Variants in LMBRD1 observed in about 807,000 individuals in gnomAD.
The protein encoded by LMBRD1 is lysosomal cobalamin transport escort protein LMBD1.
A neutral mutation model predicts 74.8 loss-of-function variants in LMBRD1; 64 were observed. The observed-to-expected ratio is 0.86, with a 90% CI of 0.70 to 1.05. The LOEUF is 1.05. Among genes scored for constraint, LMBRD1 ranks in the 50% least tolerant of loss-of-function variants. The pLI is 0.00. For synonymous variants in LMBRD1, 204 were observed against 216.3 expected (o/e 0.94, Z 0.50); for missense variants, 652 against 645.9 (o/e 1.01, Z -0.10).
intron 9 of LMBRD1, among the ~76,000 whole-genome samples, chr6:69,708,699 C>T (rs554467828): frequency 4.0e-4 from 61 of 151,246 alleles, no homozygotes; most frequent in African/African-American, 1.3e-3. Flanking sequence ...ACTTTTTTTA[C>T]ATTTGCAAAA....
At position 69,752,334 on chromosome 6, in the gene LMBRD1, GAAC is replaced by G. The variant is rs1562112715; in HGVS notation, c.327_329del (p.Leu109del). 1.2e-6 allele frequency: 2 copies of G among 1,609,482 alleles called. No individual in the cohort carries two copies. The highest frequency in any genetic ancestry group is 8.5e-7 in the Non-Finnish European group (1 of 1,176,478). On this transcript the variant is annotated inframe_deletion, in exon 4 of 16. Coordinates refer to ENST00000649934, the MANE Select transcript of LMBRD1 (RefSeq NM_018368.4). ...CAAAAGGGATCCAGAAGAACACACA[GAAC>G]AATATAACAGAATATAAAGCTGTGG...
At chr6:69,780,032 G>A (rs1032992478) in intron 3 of LMBRD1, among the ~76,000 whole-genome samples, 29 of 151,664 alleles carry the variant, frequency 1.9e-4, no homozygotes, top group Non-Finnish European at 2.9e-4. Flanking sequence ...TGTTCCTGGC[G>A]ACATGGCCGT....
chr6:69,684,536 C>G (rs1765723658), intron 14 of LMBRD1, among the ~76,000 whole-genome samples: 1 of 151,802 alleles, frequency 6.6e-6, no homozygotes, highest in East Asian at 1.9e-4. Flanking sequence ...CTAAGCACAG[C>G]CAAACTATCC....
intron 9 of LMBRD1, chr6:69,706,262 T>G (rs77836621): frequency 3.8e-6 from 1 of 261,284 alleles, no homozygotes; most frequent in African/African-American, 2.2e-5. Flanking sequence ...CAGGGACTGA[T>G]CTCTATTTTA....
chr6:69,760,089 A>G (rs1765344345), intron 3 of LMBRD1, among the ~76,000 whole-genome samples: 1 of 152,178 alleles, frequency 6.6e-6, no homozygotes, highest in South Asian at 2.1e-4. Context: ...ATAGCTTGTC[A>G]TTATCTACCA....
In LMBRD1 at chr6:69,796,849, C is replaced by T; in HGVS notation, c.33G>A (p.Leu11=). 1 of 1,614,112 alleles carries T rather than the reference C, an allele frequency of 6.2e-7. No individual in the cohort carries two copies. The highest frequency in any genetic ancestry group is 8.5e-7 in the Non-Finnish European group (1 of 1,180,026). MATSGAASAE[L]VIGWCIFGLL... ...GGCCGAATATGCACCAGCCGATCAC[C>T]AGCTCCGCCGAGGCCGCGCCAGAAG... Residue 11 remains leucine (L), a synonymous_variant, in exon 1 of 16, where the codon CTG becomes CTA. Transcript: ENST00000649934.
At chr6:69,755,572 C>A (rs982742630) in intron 3 of LMBRD1, among the ~76,000 whole-genome samples, 4 of 137,064 alleles carry the variant, frequency 2.9e-5, no homozygotes, top group Non-Finnish European at 1.5e-5. Context: ...ACATTCTGCA[C>A]ATGTATCCCA....
At chr6:69,791,976 C>G (rs1388816334) in intron 1 of LMBRD1, among the ~76,000 whole-genome samples, 1 of 152,236 alleles carries the variant, frequency 6.6e-6, no homozygotes, top group Non-Finnish European at 1.5e-5. Context: ...TCATTATATG[C>G]TCATTAACAT....
chr6:69,704,201 A>G (rs553295455), intron 9 of LMBRD1, among the ~76,000 whole-genome samples: 67 of 152,166 alleles, frequency 4.4e-4, no homozygotes, highest in African/African-American at 1.6e-3. Flanking sequence ...TTGTGGTGAG[A>G]TACTTTCAGA....
chr6:69,732,284 C>T (rs1766875374), intron 7 of LMBRD1, among the ~76,000 whole-genome samples: 1 of 152,092 alleles, frequency 6.6e-6, no homozygotes, highest in African/African-American at 2.4e-5. Flanking sequence ...GAGGGTGAAT[C>T]CCTTATAAAT....
At chr6:69,724,348 TAA>T (rs60541159) in intron 7 of LMBRD1, among the ~76,000 whole-genome samples, 17,034 of 122,052 alleles carry the variant, frequency 0.14, 1,890 homozygotes, top group African/African-American at 0.32. Flanking sequence ...AAGACACATT[TAA>T]AAAAAAAAAA....
Position 69,796,839 on chromosome 6 carries a change from A to C in LMBRD1, c.43T>G (p.Trp15Gly). 6.2e-7 allele frequency: 1 copy of C among 1,613,418 alleles called. No individual in the cohort carries two copies. The highest frequency in any genetic ancestry group is 8.5e-7 in the Non-Finnish European group (1 of 1,179,810). The change falls in exon 1 of 16, where the codon TGG becomes GGG. Residue 15 changes from tryptophan to glycine, a missense_variant. Transcript: ENST00000649934. ...GAASAELVIG[W>G]CIFGLLLLAI... ...AGTAGTAAGAGGCCGAATATGCACC[A>C]GCCGATCACCAGCTCCGCCGAGGCC...
In LMBRD1 at chr6:69,701,898, A is replaced by T. The variant is rs1562090404; in HGVS notation, c.971T>A (p.Phe324Tyr). Residue 324 changes from phenylalanine (F) to tyrosine (Y), a missense_variant, in exon 10 of 16, where the codon TTC (phenylalanine) becomes TAC (tyrosine). By Grantham distance (22) the Phe-to-Tyr change is conservative. Transcript: ENST00000649934. ...TGTCTACTGTACTTACTTTGACAAG[A>T]AGAGAGAAATTACAAACAGCAATGC... ...LVALLFVISL[F>Y]LSNLDKALHS... 1 of 1,595,722 alleles carries T rather than the reference A, an allele frequency of 6.3e-7. No individual in the cohort carries two copies. Among genetic ancestry groups the T allele is most frequent in the Admixed American group, 1.7e-5 (1 of 59,774 alleles).
At chr6:69,789,349 C>T (rs1902656) in intron 2 of LMBRD1, among the ~76,000 whole-genome samples, 50,811 of 151,720 alleles carry the variant, frequency 0.33, 9,617 homozygotes, top group East Asian at 0.54. Flanking sequence ...ATGGCAAAAC[C>T]CCATCTCTAC....
intron 3 of LMBRD1, among the ~76,000 whole-genome samples, chr6:69,763,144 G>T (rs2149883560): frequency 6.6e-6 from 1 of 151,610 alleles, no homozygotes; most frequent in South Asian, 2.1e-4. Context: ...TGCCAGTGAT[G>T]AAACTGAATA....
intron 14 of LMBRD1, among the ~76,000 whole-genome samples, chr6:69,693,999 T>C (rs183339465): frequency 4.2e-4 from 64 of 152,176 alleles, no homozygotes; most frequent in Admixed American, 6.5e-4. Flanking sequence ...TTTCAAAGAA[T>C]GAGTCAACTA....
At chr6:69,793,502 C>T (rs1042195986) in intron 1 of LMBRD1, among the ~76,000 whole-genome samples, 5 of 152,216 alleles carry the variant, frequency 3.3e-5, no homozygotes, top group African/African-American at 1.2e-4. Flanking sequence ...GGAGAGTCTC[C>T]TATTGTAATG....
Position 69,697,585 on chromosome 6 carries a change from T to A in LMBRD1, c.1395A>T (p.Arg465Ser). 2 of 1,607,312 alleles carry A rather than the reference T, an allele frequency of 1.2e-6. No homozygotes were observed. The highest frequency in any genetic ancestry group is 1.7e-6 in the Non-Finnish European group (2 of 1,174,554). Residue 465 changes from arginine (R) to serine (S), a missense_variant, in exon 14 of 16, where the codon AGA (arginine) becomes AGT (serine). By Grantham distance (110) the Arg-to-Ser change is moderately radical. Around this residue, in one of 3 missense-constraint regions of LMBRD1, gnomAD observed 598 missense variants for 581.8 expected, o/e 1.03. Transcript: ENST00000649934. ...KGNSTLSVPK[R>S]CDADAPEDQC... ...TACCTTCAGGAGCATCTGCATCACATCTCTTTGGCACAGAAAGGGTTGAAT... is the reference window on the plus strand; with the variant it reads ...TACCTTCAGGAGCATCTGCATCACAACTCTTTGGCACAGAAAGGGTTGAAT...
At chr6:69,774,722 T>A (rs962194954) in intron 3 of LMBRD1, among the ~76,000 whole-genome samples, 17 of 152,080 alleles carry the variant, frequency 1.1e-4, no homozygotes, top group African/African-American at 4.1e-4. Context: ...AAGTCACTGC[T>A]AAGCCTGCAT....
Sources: allele counts gnomAD v4.1 joint callset (sites outside exome capture counted in the v4.1 genomes callset), GRCh38; gene constraint gnomAD v4.1.1; regional missense constraint gnomAD v4.1.1; transcripts MANE v1.5; gene names NCBI Gene and HGNC (gene_info 2026-07-23, HGNC 2026-07-21).